GALNTL6: variants seen among roughly 807,000 people sequenced by gnomAD.
The protein encoded by GALNTL6 is polypeptide N-acetylgalactosaminyltransferase like 6, also known as polypeptide N-acetylgalactosaminyltransferase-like 6.
Under a neutral mutation model 73.7 loss-of-function variants are expected in GALNTL6, and 46 were observed. That is an observed-to-expected ratio of 0.62 (90% CI 0.49 to 0.80). The LOEUF (loss-of-function observed/expected upper bound fraction) is 0.80. Among genes scored for constraint, GALNTL6 ranks in the 30% least tolerant of loss-of-function variants. The probability of loss-of-function intolerance (pLI) is 0.00; values close to 1 mark genes in which losing one functional copy is unlikely to be tolerated. For synonymous variants in GALNTL6, 259 were observed against 263.7 expected (o/e 0.98, Z 0.17); for missense variants, 604 against 755.0 (o/e 0.80, Z 2.34).
At chr4:172,409,928 A>C (rs1744372564) in intron 5 of GALNTL6, among the ~76,000 whole-genome samples, 1 of 152,166 alleles carries the variant, frequency 6.6e-6, no homozygotes, top group Admixed American at 6.6e-5. Flanking sequence ...TTTGTAGACT[A>C]TCTTGATTAA....
chr4:171,910,095 T>G (rs1006535374), intron 2 of GALNTL6, among the ~76,000 whole-genome samples: 2 of 152,170 alleles, frequency 1.3e-5, no homozygotes, highest in African/African-American at 2.4e-5. Context: ...GTATATTTCT[T>G]TTCTAGAAAC....
chr4:173,026,319 A>T (rs1409946907), intron 12 of GALNTL6, among the ~76,000 whole-genome samples: 2 of 152,246 alleles, frequency 1.3e-5, no homozygotes, highest in Admixed American at 1.3e-4. Flanking sequence ...AATGGTATAT[A>T]GAACACACAT....
chr4:171,825,278 T>C (rs1180684977), intron 2 of GALNTL6, among the ~76,000 whole-genome samples: 1 of 152,088 alleles, frequency 6.6e-6, no homozygotes, highest in East Asian at 1.9e-4. Context: ...GTTGAGTAAC[T>C]TGATGAAGGA....
intron 2 of GALNTL6, among the ~76,000 whole-genome samples, chr4:171,863,924 AT>A (rs943319977): frequency 4.7e-5 from 7 of 149,188 alleles, no homozygotes; most frequent in Admixed American, 6.7e-5. Flanking sequence ...TGCCCAGCTA[AT>A]TTTTTTTTTG....
intron 5 of GALNTL6, among the ~76,000 whole-genome samples, chr4:172,728,842 G>A (rs1237287836): frequency 1.3e-5 from 2 of 152,140 alleles, no homozygotes; most frequent in South Asian, 4.1e-4. Context: ...TTCCCACTTA[G>A]CGTATGAAGG....
chr4:172,557,097 A>G (rs1251705443), intron 5 of GALNTL6, among the ~76,000 whole-genome samples: 1 of 152,062 alleles, frequency 6.6e-6, no homozygotes, highest in Non-Finnish European at 1.5e-5. Context: ...AACTTATGTA[A>G]CCCTTTCGTT....
At chr4:171,882,685 C>T (rs1370454810) in intron 2 of GALNTL6, among the ~76,000 whole-genome samples, 2 of 152,174 alleles carry the variant, frequency 1.3e-5, no homozygotes, top group Non-Finnish European at 2.9e-5. Context: ...TGATGAAGGT[C>T]GGAAGACTCA....
chr4:172,230,889 G>A (rs1247864304), intron 3 of GALNTL6, among the ~76,000 whole-genome samples: 3 of 152,202 alleles, frequency 2.0e-5, no homozygotes, highest in African/African-American at 7.2e-5. Flanking sequence ...TTCAACTAGA[G>A]TTAGTAACAA....
At chr4:172,347,462 C>T (rs1365803417) in intron 4 of GALNTL6, among the ~76,000 whole-genome samples, 2 of 152,140 alleles carry the variant, frequency 1.3e-5, no homozygotes, top group Admixed American at 1.3e-4. Flanking sequence ...GTAGGTGCAA[C>T]ATTCTGAATA....
intron 5 of GALNTL6, among the ~76,000 whole-genome samples, chr4:172,518,893 AG>A (rs1734690486): frequency 6.6e-6 from 1 of 151,836 alleles, no homozygotes; most frequent in Admixed American, 6.6e-5. Context: ...AAAGACACTA[AG>A]GTTTCATTTT....
intron 5 of GALNTL6, among the ~76,000 whole-genome samples, chr4:172,662,011 T>A (rs1731403326): frequency 6.6e-6 from 1 of 152,180 alleles, no homozygotes. Flanking sequence ...CAGAGCATGG[T>A]CTACAAGCCA....
chr4:171,946,797 G>T (rs1317475863), intron 2 of GALNTL6, among the ~76,000 whole-genome samples: 2 of 151,594 alleles, frequency 1.3e-5, no homozygotes, highest in Admixed American at 6.7e-5. Context: ...TGGAGGAAAA[G>T]GATTTGGCAT....
rs550673604 is a variant in GALNTL6 at position 173,027,050 on chromosome 4, T to G, written c.1638+5425T>G. 5.4e-4 allele frequency among the ~76,000 whole-genome samples: 82 copies of G among 152,298 alleles called. 1 individual carries two copies. Among genetic ancestry groups the G allele is most frequent in the Non-Finnish European group, 4.1e-4 (28 of 68,014 alleles). On this transcript the variant is annotated intron_variant, in intron 12 of 12. Transcript: ENST00000506823. ...TCAGCCAAGCTGGAGTGCAGTGGTGTGATCTTGGCTCCCAGCAATCTCCAC... is the reference window on the plus strand; with the variant it reads ...TCAGCCAAGCTGGAGTGCAGTGGTGGGATCTTGGCTCCCAGCAATCTCCAC...
At chr4:171,905,888 T>G (rs937070771) in intron 2 of GALNTL6, among the ~76,000 whole-genome samples, 2 of 150,778 alleles carry the variant, frequency 1.3e-5, no homozygotes, top group African/African-American at 4.9e-5. Flanking sequence ...TGCTCCTGAA[T>G]GACTACTGGG....
intron 5 of GALNTL6, among the ~76,000 whole-genome samples, chr4:172,546,111 T>C (rs1255422866): frequency 3.3e-5 from 5 of 152,028 alleles, no homozygotes; most frequent in Non-Finnish European, 7.4e-5. Context: ...GGGAAAGAGG[T>C]ATAGTCTGCA....
chr4:172,558,268 G>T (rs1014736669), intron 5 of GALNTL6, among the ~76,000 whole-genome samples: 2 of 152,132 alleles, frequency 1.3e-5, no homozygotes, highest in Non-Finnish European at 2.9e-5. Context: ...ACCAGATAAA[G>T]AAAATATCCT....
intron 5 of GALNTL6, among the ~76,000 whole-genome samples, chr4:172,765,899 A>AT (rs201559296): frequency 6.6e-6 from 1 of 151,996 alleles, no homozygotes; most frequent in Non-Finnish European, 1.5e-5. Context: ...AAATAACCAT[A>AT]TTTTTTAAAA....
intron 7 of GALNTL6, among the ~76,000 whole-genome samples, chr4:172,850,444 G>A (rs546349424): frequency 4.1e-4 from 62 of 152,240 alleles, no homozygotes; most frequent in African/African-American, 1.5e-3. Flanking sequence ...TAAAACATAT[G>A]TGTATTAGAA....
At chr4:171,947,936 T>G (rs922613181) in intron 2 of GALNTL6, among the ~76,000 whole-genome samples, 1 of 152,220 alleles carries the variant, frequency 6.6e-6, no homozygotes, top group Non-Finnish European at 1.5e-5. Context: ...AGGGTTCTAA[T>G]AACTGACTCT....
Sources: allele counts gnomAD v4.1 joint callset (sites outside exome capture counted in the v4.1 genomes callset), GRCh38; gene constraint gnomAD v4.1.1; transcripts MANE v1.5; gene names NCBI Gene and HGNC (gene_info 2026-07-23, HGNC 2026-07-21).